CADPS2: variants seen among roughly 807,000 people sequenced by gnomAD.
The protein encoded by CADPS2 is calcium-dependent secretion activator 2.
CADPS2 carries 93 observed loss-of-function variants against 172.5 expected under a neutral mutation model. The ratio of observed to expected loss-of-function variants is 0.54; its 90% CI spans 0.46 to 0.64. The LOEUF (loss-of-function observed/expected upper bound fraction) is 0.64, where lower values mean the gene tolerates loss of function less well. Ranked by LOEUF, CADPS2 falls within the 30% of genes least tolerant of loss-of-function variation. The pLI, the probability that CADPS2 is intolerant of heterozygous loss-of-function variation, is 0.00. For synonymous variants in CADPS2, 546 were observed against 555.2 expected, an observed-to-expected ratio of 0.98 and a Z score of 0.23; for missense variants, 1,420 against 1,565.9, an observed-to-expected ratio of 0.91 and a Z score of 1.57.
chr7:122,699,407 C>A (rs2085668835), intron 2 of CADPS2, among the ~76,000 whole-genome samples: 1 of 151,870 alleles, frequency 6.6e-6, no homozygotes, highest in African/African-American at 2.4e-5. Flanking sequence ...ATTTTCCCAG[C>A]AAGTGAAGGA....
intron 27 of CADPS2, among the ~76,000 whole-genome samples, chr7:122,357,043 G>A (rs891791037): frequency 6.6e-6 from 1 of 152,120 alleles, no homozygotes; most frequent in East Asian, 1.9e-4. Flanking sequence ...GCACATTAAC[G>A]CATGCATATA....
chr7:122,560,629 T>C (rs1479937712), intron 7 of CADPS2, among the ~76,000 whole-genome samples: 1 of 152,196 alleles, frequency 6.6e-6, no homozygotes, highest in Non-Finnish European at 1.5e-5. Flanking sequence ...ACAGGTGTCC[T>C]TGAGACAAAG....
chr7:122,579,420 A>G (rs1012437828), intron 7 of CADPS2, among the ~76,000 whole-genome samples: 1 of 147,502 alleles, frequency 6.8e-6, no homozygotes, highest in African/African-American at 2.5e-5. Flanking sequence ...AAGGGAGCAT[A>G]AGCGGTTTCT....
chr7:122,700,546 CAG>C (rs2085874730), intron 2 of CADPS2, among the ~76,000 whole-genome samples: 1 of 152,030 alleles, frequency 6.6e-6, no homozygotes, highest in Admixed American at 6.6e-5. Flanking sequence ...CATCCAGAAA[CAG>C]AAATTTTCAT....
intron 28 of CADPS2, among the ~76,000 whole-genome samples, chr7:122,333,820 T>A (rs962180269): frequency 1.5e-4 from 23 of 152,028 alleles, no homozygotes; most frequent in Non-Finnish European, 4.4e-5. Flanking sequence ...TAGTAGAATG[T>A]CTGGCACAGA....
chr7:122,603,809 C>T (rs1223222963), intron 6 of CADPS2, among the ~76,000 whole-genome samples: 3 of 152,032 alleles, frequency 2.0e-5, no homozygotes, highest in African/African-American at 7.2e-5. Flanking sequence ...AATTCTACTA[C>T]TGTATGATCT....
intron 6 of CADPS2, among the ~76,000 whole-genome samples, chr7:122,604,231 T>C (rs1033274885): frequency 6.6e-6 from 1 of 152,184 alleles, no homozygotes; most frequent in Non-Finnish European, 1.5e-5. Flanking sequence ...TTTCTTAAAA[T>C]GCCTTTCCTA....
chr7:122,403,641 T>C (rs2046238043), intron 20 of CADPS2, among the ~76,000 whole-genome samples: 1 of 152,182 alleles, frequency 6.6e-6, no homozygotes, highest in South Asian at 2.1e-4. Flanking sequence ...ATGAAAATTA[T>C]GTAGTTTTAA....
intron 4 of CADPS2, among the ~76,000 whole-genome samples, chr7:122,623,657 C>T (rs1490957044): frequency 1.3e-5 from 2 of 152,078 alleles, no homozygotes; most frequent in African/African-American, 2.4e-5. Flanking sequence ...CTTAGTAATG[C>T]CCCCAAACAC....
At chr7:122,443,352 T>C (rs1009006725) in intron 15 of CADPS2, among the ~76,000 whole-genome samples, 3 of 152,220 alleles carry the variant, frequency 2.0e-5, no homozygotes, top group Non-Finnish European at 4.4e-5. Flanking sequence ...GAGAAGCATT[T>C]TGTTCTGCCT....
At chr7:122,470,443 G>C (rs1378703322) in intron 14 of CADPS2, among the ~76,000 whole-genome samples, 1 of 152,006 alleles carries the variant, frequency 6.6e-6, no homozygotes, top group Non-Finnish European at 1.5e-5. Context: ...AATATGTATT[G>C]AGCAAGATTA....
intron 17 of CADPS2, among the ~76,000 whole-genome samples, chr7:122,437,066 C>T (rs1333903837): frequency 1.3e-5 from 2 of 152,042 alleles, no homozygotes; most frequent in Non-Finnish European, 2.9e-5. Context: ...ATTTTAATAT[C>T]ATTTCTTCCA....
intron 14 of CADPS2, among the ~76,000 whole-genome samples, chr7:122,466,101 T>G (rs554929217): frequency 1.3e-5 from 2 of 152,306 alleles, no homozygotes; most frequent in East Asian, 3.9e-4. Context: ...TCTAAAGGTA[T>G]GAAGTTTAAG....
At chr7:122,416,503 T>C (rs1255353210) in intron 17 of CADPS2, among the ~76,000 whole-genome samples, 1 of 152,246 alleles carries the variant, frequency 6.6e-6, no homozygotes, top group Non-Finnish European at 1.5e-5. Context: ...TTTCTCTCTG[T>C]ATTGTATTAT....
intron 9 of CADPS2, among the ~76,000 whole-genome samples, chr7:122,505,870 CT>C (rs2059573777): frequency 6.6e-6 from 1 of 152,160 alleles, no homozygotes. Context: ...TATCCATCCC[CT>C]TTGCAAGGTA....
Position 122,400,297 on chromosome 7 carries a change from T to C in CADPS2, c.2747-6715A>G, listed in dbSNP as rs1195780503. On this transcript the variant is annotated intron_variant, in intron 20 of 29. Transcript: ENST00000449022. ...CCAAAAATACAAAAAATTAGCTGGG[T>C]GTGGTGGTGCATGCCTGTAATCCCA... 2.6e-5 allele frequency among the ~76,000 whole-genome samples: 4 copies of C among 150,968 alleles called. No homozygotes were observed. The East Asian group carries it at 8.0e-4, about 30-fold the overall frequency.
At chr7:122,573,796 A>G (rs1041007857) in intron 7 of CADPS2, among the ~76,000 whole-genome samples, 2 of 152,116 alleles carry the variant, frequency 1.3e-5, no homozygotes, top group African/African-American at 4.8e-5. Flanking sequence ...AATGATATAA[A>G]CTGTATGTCT....
intron 1 of CADPS2, among the ~76,000 whole-genome samples, chr7:122,854,071 A>T (rs1253387087): frequency 6.6e-6 from 1 of 152,140 alleles, no homozygotes. Flanking sequence ...CCAGAAATGA[A>T]GGTCTTAGCT....
intron 1 of CADPS2, among the ~76,000 whole-genome samples, chr7:122,799,517 G>A (rs1797120448): frequency 6.6e-6 from 1 of 151,494 alleles, no homozygotes; most frequent in Admixed American, 6.6e-5. Flanking sequence ...GCGGGAGAAT[G>A]GCGTGAACCC....
Sources: gnomAD v4.1 joint callset for allele counts (sites outside exome capture counted in the v4.1 genomes callset) on GRCh38, gnomAD v4.1.1 for gene constraint, MANE v1.5 for transcripts, NCBI Gene and HGNC (gene_info 2026-07-23, HGNC 2026-07-21) for gene names.